Variants in ST7 observed in about 807,000 individuals in gnomAD.
The protein encoded by ST7 is suppression of tumorigenicity 7, also known as suppressor of tumorigenicity 7 protein.
A neutral mutation model predicts 78.7 loss-of-function variants in ST7; 28 were observed. The ratio of observed to expected loss-of-function variants is 0.36; its 90% CI spans 0.26 to 0.49. The LOEUF (loss-of-function observed/expected upper bound fraction) is 0.49, where lower values mean the gene tolerates loss of function less well. Among genes scored for constraint, ST7 ranks in the 20% least tolerant of loss-of-function variants. ST7 has a pLI of 0.99. For synonymous variants in ST7, 247 were observed against 249.6 expected, an observed-to-expected ratio of 0.99 and a Z score of 0.10; for missense variants, 418 against 696.0, an observed-to-expected ratio of 0.60 and a Z score of 4.49.
chr7:117,109,714 C>T (rs1168727976), intron 2 of ST7, among the ~76,000 whole-genome samples: 1 of 152,070 alleles, frequency 6.6e-6, no homozygotes, highest in African/African-American at 2.4e-5. Context: ...ACCCTAATGC[C>T]CAAACCAGGA....
intron 1 of ST7, chr7:116,959,232 T>C (rs1331490960): frequency 2.1e-6 from 1 of 470,860 alleles, no homozygotes; most frequent in African/African-American, 2.0e-5. Flanking sequence ...CAGCTCTTTA[T>C]CCGTTCAAGT....
At chr7:117,015,276 C>T (rs376235104) in intron 1 of ST7, among the ~76,000 whole-genome samples, 21 of 152,126 alleles carry the variant, frequency 1.4e-4, no homozygotes, top group African/African-American at 4.8e-4. Context: ...AACTCCAACC[C>T]ATAGTTAATC....
At chr7:117,188,083 T>C (rs1442758224) in intron 10 of ST7, among the ~76,000 whole-genome samples, 1 of 152,222 alleles carries the variant, frequency 6.6e-6, no homozygotes, top group Non-Finnish European at 1.5e-5. Context: ...GCTGATATTT[T>C]CTATGATTGT....
In ST7 at chr7:117,080,308, A is replaced by G. The variant is rs1799677065; in HGVS notation, c.152-19454A>G. Reference sequence around the variant, plus strand: ...TATACAGATAGCTAACGTATCATCTATACACTTTAAACAAAAGATGTCAAA... The same window carrying G: ...TATACAGATAGCTAACGTATCATCTGTACACTTTAAACAAAAGATGTCAAA... On this transcript the variant is annotated intron_variant, in intron 1 of 15. Transcript: ENST00000323984. Among the ~76,000 whole-genome samples the G allele has an allele frequency of 1.3e-5, 2 of 152,146 alleles. 1 individual carries two copies. Among genetic ancestry groups the G allele is most frequent in the South Asian group, 4.1e-4 (2 of 4,834 alleles).
At chr7:117,091,635 C>T (rs998685173) in intron 1 of ST7, among the ~76,000 whole-genome samples, 18 of 152,142 alleles carry the variant, frequency 1.2e-4, no homozygotes, top group African/African-American at 7.2e-5. Flanking sequence ...CACCCTTTCT[C>T]GGCATACTGC....
chr7:116,962,194 C>T (rs1332871670), intron 1 of ST7, among the ~76,000 whole-genome samples: 2 of 152,090 alleles, frequency 1.3e-5, no homozygotes, highest in Non-Finnish European at 2.9e-5. Context: ...CATTGATGGG[C>T]ATTTGGGTTG....
intron 1 of ST7, among the ~76,000 whole-genome samples, chr7:117,077,844 CTTTTT>C (rs1186348708): frequency 8.3e-6 from 1 of 120,928 alleles, no homozygotes. Flanking sequence ...TGATTTCTTT[CTTTTT>C]TTTTTTTTTT....
At chr7:117,053,963 G>A (rs893133846) in intron 1 of ST7, among the ~76,000 whole-genome samples, 5 of 151,714 alleles carry the variant, frequency 3.3e-5, no homozygotes, top group Admixed American at 3.3e-4. Context: ...TCAGCCTCCC[G>A]AGTAGCTGGG....
At chr7:116,997,131 G>A (rs200675339) in intron 1 of ST7, among the ~76,000 whole-genome samples, 16 of 152,102 alleles carry the variant, frequency 1.1e-4, no homozygotes, top group African/African-American at 3.4e-4. Context: ...TCATGGTCTC[G>A]CTGGCTCAGG....
At chr7:117,160,039 A>G (rs541678514) in intron 9 of ST7, among the ~76,000 whole-genome samples, 60 of 151,918 alleles carry the variant, frequency 3.9e-4, no homozygotes, top group Non-Finnish European at 6.9e-4. Flanking sequence ...CTGTCTCCCT[A>G]ATAATACAAA....
chr7:117,195,265 AG>A (rs955093297), intron 12 of ST7, among the ~76,000 whole-genome samples: 8 of 152,160 alleles, frequency 5.3e-5, no homozygotes, highest in Non-Finnish European at 1.0e-4. Flanking sequence ...AACCTTAAAA[AG>A]GTTATCCTCC....
chr7:117,164,592 C>A (rs1272977472), intron 9 of ST7, among the ~76,000 whole-genome samples: 1 of 152,094 alleles, frequency 6.6e-6, no homozygotes, highest in Non-Finnish European at 1.5e-5. Flanking sequence ...GATTTTAATT[C>A]AAGAATAACT....
chr7:117,000,765 A>G (rs556928944), intron 1 of ST7, among the ~76,000 whole-genome samples: 18 of 152,352 alleles, frequency 1.2e-4, no homozygotes, highest in Middle Eastern at 3.4e-3. Context: ...TGTTAGTGCT[A>G]CTGGCCATAA....
chr7:117,219,205 G>T lies in ST7; in HGVS notation c.1498+29G>T. ...AGTCTCACCTCTCTTCAGCCAGTGA[G>T]GGTGTGTGGTGAAAGGTGGGGATTG... On this transcript the variant is annotated intron_variant, in intron 14 of 15. Transcript: ENST00000323984. This position sits in a 1 kb window ranked among gnomAD's most constrained non-coding sequence, Gnocchi z 5.1. 1 of 1,575,670 alleles carries T rather than the reference G, an allele frequency of 6.3e-7. No individual in the cohort carries two copies. Among genetic ancestry groups the T allele is most frequent in the Non-Finnish European group, 8.7e-7 (1 of 1,151,834 alleles).
intron 13 of ST7, among the ~76,000 whole-genome samples, chr7:117,216,272 G>A (rs1241558257): frequency 1.3e-5 from 2 of 152,096 alleles, no homozygotes. Flanking sequence ...CAAAATCAAG[G>A]TAGGGGAAGG....
At chr7:117,136,342 A>G in intron 8 of ST7, 107 bp downstream of exon 8, 1 of 1,371,036 alleles carries the variant, frequency 7.3e-7, no homozygotes, top group Non-Finnish European at 1.0e-6. Context: ...AGACAAGAGA[A>G]AATATTGGCT....
At chr7:116,984,884 A>G (rs1454179489) in intron 1 of ST7, among the ~76,000 whole-genome samples, 1 of 152,188 alleles carries the variant, frequency 6.6e-6, no homozygotes, top group Non-Finnish European at 1.5e-5. Flanking sequence ...TGATTTAGTC[A>G]TGACGTGATT....
At chr7:117,227,594 A>G (rs558482423) in intron 15 of ST7, among the ~76,000 whole-genome samples, 3 of 152,198 alleles carry the variant, frequency 2.0e-5, no homozygotes, top group South Asian at 2.1e-4. Flanking sequence ...TACACATATT[A>G]TGTGTGTATT....
chr7:116,980,334 A>G (rs1793902713), intron 1 of ST7, among the ~76,000 whole-genome samples: 1 of 152,042 alleles, frequency 6.6e-6, no homozygotes, highest in Non-Finnish European at 1.5e-5. Context: ...CAAGTTAGAC[A>G]CCTGTAGTTT....
Sources: allele counts gnomAD v4.1 joint callset (sites outside exome capture counted in the v4.1 genomes callset), GRCh38; gene constraint gnomAD v4.1.1; non-coding constraint Gnocchi (gnomAD v3.1); transcripts MANE v1.5; gene names NCBI Gene and HGNC (gene_info 2026-07-23, HGNC 2026-07-21).